The following SH3GL3 variants were observed in gnomAD, a reference collection of about 807,000 sequenced individuals.
SH3GL3 encodes SH3 domain containing GRB2 like 3, endophilin A3, also known as endophilin-A3.
In SH3GL3, 33 loss-of-function variants were observed where a neutral mutation model predicts 47.7. That is an observed-to-expected ratio of 0.69 (90% CI 0.52 to 0.92). The LOEUF is 0.92. Among genes scored for constraint, SH3GL3 ranks in the 40% least tolerant of loss-of-function variants. The probability of loss-of-function intolerance (pLI) is 0.00; values close to 1 mark genes in which losing one functional copy is unlikely to be tolerated. For missense variants in SH3GL3, 363 were observed against 417.8 expected (o/e 0.87, Z 1.14); for synonymous variants, 155 against 148.8 (o/e 1.04, Z -0.30).
chr15:83,588,608 T>G, intron 7 of SH3GL3, 54 bp from the exon 8 acceptor site: 1 of 1,125,772 alleles, frequency 8.9e-7, no homozygotes, highest in Non-Finnish European at 1.4e-6. Flanking sequence ...AGGATGTGTG[T>G]TTGGAAAGCT....
At chr15:83,502,916 A>G (rs187706113) in intron 1 of SH3GL3, among the ~76,000 whole-genome samples, 1 of 152,292 alleles carries the variant, frequency 6.6e-6, no homozygotes, top group Admixed American at 6.5e-5. Flanking sequence ...TATATATACC[A>G]GAGGCTTATG....
chr15:83,506,643 G>C (rs1028712197), intron 1 of SH3GL3, among the ~76,000 whole-genome samples: 1 of 152,144 alleles, frequency 6.6e-6, no homozygotes, highest in African/African-American at 2.4e-5. Flanking sequence ...AGAAATTAGT[G>C]TTCCCACTTA....
chr15:83,509,797 A>G (rs578171802), intron 1 of SH3GL3, among the ~76,000 whole-genome samples: 29 of 152,192 alleles, frequency 1.9e-4, no homozygotes, highest in Admixed American at 5.2e-4. Context: ...ACTGCCTTGA[A>G]AGAGTTTACA....
intron 5 of SH3GL3, among the ~76,000 whole-genome samples, chr15:83,575,558 G>A (rs2059652813): frequency 1.3e-5 from 2 of 152,176 alleles, no homozygotes; most frequent in South Asian, 4.1e-4. Flanking sequence ...CAGAAATCAG[G>A]GGTCAGGGGC....
At chr15:83,506,751 T>C (rs1294247014) in intron 1 of SH3GL3, among the ~76,000 whole-genome samples, 2 of 152,094 alleles carry the variant, frequency 1.3e-5, no homozygotes, top group African/African-American at 4.8e-5. Flanking sequence ...CAAATTCTTA[T>C]TCTAAGTTTT....
At chr15:83,627,163 C>T in the SH3GL3 span, among the ~76,000 whole-genome samples, 20 of 152,090 alleles carry the variant, frequency 1.3e-4, 1 homozygote, top group Admixed American at 1.1e-3. Flanking sequence ...TTTGGGAGGC[C>T]GAGGCGGGCG....
intron 1 of SH3GL3, among the ~76,000 whole-genome samples, chr15:83,539,308 A>C (rs77323288): frequency 1.3e-5 from 2 of 152,168 alleles, no homozygotes; most frequent in Non-Finnish European, 2.9e-5. Context: ...TGGTTCACAG[A>C]TGGCAGTCTT....
intron 1 of SH3GL3, among the ~76,000 whole-genome samples, chr15:83,470,843 C>T (rs1463796028): frequency 2.6e-5 from 4 of 152,208 alleles, no homozygotes; most frequent in Non-Finnish European, 4.4e-5. Flanking sequence ...TACATACACA[C>T]ACACGTTATC....
In SH3GL3 at chr15:83,447,644, G is replaced by T. The variant is rs1269349251; in HGVS notation, c.45+66G>T. 2.5e-6 allele frequency: 3 copies of T among 1,212,942 alleles called. No homozygotes were observed. Among genetic ancestry groups the T allele is most frequent in the Non-Finnish European group, 2.3e-6 (2 of 888,362 alleles). The allele number at this position is 1,212,942 out of a possible 1,614,324, so 75.1% of individuals were successfully genotyped here. A position where few individuals can be genotyped will look rare whatever the true frequency, so the allele number is the denominator to read the frequency against. On this transcript the variant is annotated intron_variant, in intron 1 of 8. Coordinates refer to ENST00000427482, the MANE Select transcript of SH3GL3 (RefSeq NM_003027.5). This position sits in a 1 kb window ranked among gnomAD's most constrained non-coding sequence, Gnocchi z 5.1. ...GAGGCTGCGGCCCCCCGAGGCTCCC[G>T]GGCCTTTGGGACTCCTGTTCCCTGA...
At chr15:83,558,499 G>A (rs909802928) in intron 1 of SH3GL3, among the ~76,000 whole-genome samples, 2 of 46,562 alleles carry the variant, frequency 4.3e-5, no homozygotes. Flanking sequence ...GTGTGTGTGT[G>A]TGTATATGTG....
At chr15:83,537,381 G>T (rs2043960753) in intron 1 of SH3GL3, among the ~76,000 whole-genome samples, 1 of 152,032 alleles carries the variant, frequency 6.6e-6, no homozygotes, top group South Asian at 2.1e-4. Flanking sequence ...TATTTAATGA[G>T]ACTTAACAGT....
chr15:83,591,804 G>GC (rs913185652), intron 8 of SH3GL3, among the ~76,000 whole-genome samples: 4 of 152,016 alleles, frequency 2.6e-5, no homozygotes, highest in South Asian at 4.1e-4. Context: ...TCCTGCCTCG[G>GC]CCCCCCGAGT....
At chr15:83,519,851 T>G (rs1254068610) in intron 1 of SH3GL3, among the ~76,000 whole-genome samples, 1 of 152,234 alleles carries the variant, frequency 6.6e-6, no homozygotes, top group Non-Finnish European at 1.5e-5. Flanking sequence ...ATGAAGCTAC[T>G]CTTTATTTCA....
intron 1 of SH3GL3, among the ~76,000 whole-genome samples, chr15:83,513,257 G>A (rs543376188): frequency 6.6e-6 from 1 of 152,178 alleles, no homozygotes; most frequent in Non-Finnish European, 1.5e-5. Flanking sequence ...TAACTTGTGG[G>A]ATGTTAATTA....
chr15:83,570,299 C>T (rs952821511), intron 4 of SH3GL3, among the ~76,000 whole-genome samples: 2 of 152,132 alleles, frequency 1.3e-5, no homozygotes, highest in African/African-American at 2.4e-5. Context: ...TTATTATAGG[C>T]TAAATTATTA....
chr15:83,578,733 T>C (rs1311280680), intron 6 of SH3GL3, among the ~76,000 whole-genome samples: 1 of 152,148 alleles, frequency 6.6e-6, no homozygotes, highest in Non-Finnish European at 1.5e-5. Context: ...TTTCTTTAAA[T>C]GTATAAATTT....
intron 1 of SH3GL3, among the ~76,000 whole-genome samples, chr15:83,476,627 A>T (rs982020420): frequency 3.9e-5 from 6 of 152,260 alleles, no homozygotes; most frequent in Non-Finnish European, 7.3e-5. Flanking sequence ...AAAACATGTG[A>T]TAATTACATG....
At chr15:83,462,287 A>T (rs1272135850) in intron 1 of SH3GL3, among the ~76,000 whole-genome samples, 1 of 152,202 alleles carries the variant, frequency 6.6e-6, no homozygotes, top group Admixed American at 6.5e-5. Context: ...TCATAATGAG[A>T]TTCTTACCCC....
chr15:83,569,476 G>A (rs982765021), intron 4 of SH3GL3, among the ~76,000 whole-genome samples: 4 of 151,918 alleles, frequency 2.6e-5, no homozygotes, highest in African/African-American at 9.7e-5. Flanking sequence ...TAAATCTTTG[G>A]GGATATCCAA....
Sources: gnomAD v4.1 joint callset for allele counts (sites outside exome capture counted in the v4.1 genomes callset) on GRCh38, gnomAD v4.1.1 for gene constraint, Gnocchi (gnomAD v3.1) non-coding constraint, MANE v1.5 for transcripts, NCBI Gene and HGNC (gene_info 2026-07-23, HGNC 2026-07-21) for gene names.